OSBPL10: variants seen among roughly 807,000 people sequenced by gnomAD.
OSBPL10 encodes oxysterol-binding protein-related protein 10.
OSBPL10 carries 49 observed loss-of-function variants against 81.7 expected under a neutral mutation model. The observed-to-expected ratio is 0.60, with a 90% CI of 0.48 to 0.76. The LOEUF (loss-of-function observed/expected upper bound fraction) is 0.76, where lower values mean the gene tolerates loss of function less well. OSBPL10 is among the 30% of genes least tolerant of loss of function. OSBPL10 has a pLI of 0.00. For synonymous variants in OSBPL10, 419 were observed against 383.6 expected (o/e 1.09, Z -1.08); for missense variants, 923 against 987.8 (o/e 0.93, Z 0.88).
At chr3:31,666,009 G>A (rs1444223480) in intron 10 of OSBPL10, among the ~76,000 whole-genome samples, 1 of 152,196 alleles carries the variant, frequency 6.6e-6, no homozygotes, top group Non-Finnish European at 1.5e-5. Context: ...AGAGCAGGGA[G>A]GAGAATGGAG....
At chr3:31,779,918 C>T (rs1362657096) in intron 4 of OSBPL10, among the ~76,000 whole-genome samples, 8 of 152,182 alleles carry the variant, frequency 5.3e-5, no homozygotes, top group African/African-American at 1.7e-4. Flanking sequence ...TATACAAATA[C>T]ATAGAAATTA....
At chr3:32,011,497 A>G (rs1321337041) in intron 2 of OSBPL10, among the ~76,000 whole-genome samples, 2 of 152,248 alleles carry the variant, frequency 1.3e-5, no homozygotes, top group Non-Finnish European at 2.9e-5. Flanking sequence ...GGGAAAAAAC[A>G]GAGCAGAGAA....
intron 4 of OSBPL10, among the ~76,000 whole-genome samples, chr3:31,759,672 G>C (rs560767707): frequency 1.3e-5 from 2 of 152,208 alleles, no homozygotes; most frequent in East Asian, 3.9e-4. Context: ...TGACTGGAAG[G>C]CTTACCGATA....
Position 31,879,823 on chromosome 3 carries a change from C to T in OSBPL10, c.289G>A (p.Val97Ile), listed in dbSNP as rs531103701. 2.7e-5 allele frequency: 44 copies of T among 1,613,578 alleles called. No individual in the cohort carries two copies. The highest frequency in any genetic ancestry group is 3.3e-5 in the South Asian group (3 of 90,958). ...AGGATGCCAGCCTCGAAATCCAGTA[C>T]GAAGTACCTGCACAGAGAAACCACA... ...LLQGWQNRYFVLDFEAGILQY... is the reference protein window; with the variant it reads ...LLQGWQNRYFILDFEAGILQY... Residue 97 changes from valine (V) to isoleucine (I), a missense_variant, in exon 2 of 12, where the codon GTA (valine) becomes ATA (isoleucine). Val to Ile is a conservative substitution (Grantham distance 29). This residue lies in a region of OSBPL10 where 514 missense variants were observed against 508.0 expected (regional missense o/e 1.01). Transcript: ENST00000396556.
intron 6 of OSBPL10, 167 bp downstream of exon 6, chr3:31,733,090 A>C (rs377754155): frequency 5.0e-5 from 41 of 827,756 alleles, no homozygotes; most frequent in East Asian, 1.7e-4. Context: ...GAACATGAGA[A>C]GTGCCGGGCA....
At chr3:31,944,270 T>A (rs1259854014) in intron 1 of OSBPL10, among the ~76,000 whole-genome samples, 2 of 152,124 alleles carry the variant, frequency 1.3e-5, no homozygotes, top group East Asian at 3.8e-4. Flanking sequence ...GTCATACCAA[T>A]CTATATTTCT....
chr3:32,019,706 T>G (rs1047968327), intron 2 of OSBPL10, among the ~76,000 whole-genome samples: 1 of 152,226 alleles, frequency 6.6e-6, no homozygotes, highest in African/African-American at 2.4e-5. Context: ...CAATTTTTAA[T>G]GATGCAATTA....
chr3:31,958,310 C>T (rs756274698), intron 1 of OSBPL10, among the ~76,000 whole-genome samples: 1 of 152,098 alleles, frequency 6.6e-6, no homozygotes, highest in Non-Finnish European at 1.5e-5. Flanking sequence ...GTTAAAAATG[C>T]ACAAAATGAC....
chr3:31,876,477 G>A lies in OSBPL10; in HGVS notation c.493C>T (p.Gln165Ter). 6.2e-7 allele frequency: 1 copy of A among 1,613,630 alleles called. No homozygotes were observed. The highest frequency in any genetic ancestry group is 8.5e-7 in the Non-Finnish European group (1 of 1,179,556). Reference protein sequence around the residue: ...DAKEKQFWVTQLRACAKYHME... With the variant: ...DAKEKQFWVT ...TGGTATTTGGCACAAGCTCGAAGCT[G>A]AGTCACCCAGAATTGTTTCTCTTTT... is the stretch of plus-strand genomic sequence containing the variant. The change falls in exon 3 of 12, where the codon CAG (glutamine) becomes TAG (stop). Residue 165 changes from glutamine to a stop codon, truncating the protein, a stop_gained. Coordinates refer to ENST00000396556, the MANE Select transcript of OSBPL10 (RefSeq NM_017784.5). LOFTEE classifies it high-confidence loss of function.
At chr3:31,860,143 T>C (rs1249681330) in intron 3 of OSBPL10, among the ~76,000 whole-genome samples, 2 of 152,022 alleles carry the variant, frequency 1.3e-5, no homozygotes, top group Non-Finnish European at 2.9e-5. Flanking sequence ...TCTTTCCCTG[T>C]GCCCTAAAAG....
At chr3:31,837,321 TTATATATATATATATA>T (rs59797512) in intron 3 of OSBPL10, among the ~76,000 whole-genome samples, 336 of 58,980 alleles carry the variant, frequency 5.7e-3, no homozygotes, top group African/African-American at 0.01. Flanking sequence ...GATCCCCAAA[TTATATATATATATATA>T]TATATATATA....
Position 31,743,910 on chromosome 3 carries a change from G to A in OSBPL10, c.940+4000C>T, listed in dbSNP as rs17028178. 8.8e-3 allele frequency among the ~76,000 whole-genome samples: 1,335 copies of A among 152,234 alleles called. 27 individuals are homozygous for A. Among genetic ancestry groups the A allele is most frequent in the African/African-American group, 0.03 (1,260 of 41,528 alleles). ...CTGCTATAGCAACTATCAACCCTGAGAGCCCCAAGTGTCTAAACAAACACA... is the reference window on the plus strand; with the variant it reads ...CTGCTATAGCAACTATCAACCCTGAAAGCCCCAAGTGTCTAAACAAACACA... On this transcript the variant is annotated intron_variant, in intron 5 of 11. Coordinates refer to ENST00000396556, the MANE Select transcript of OSBPL10 (RefSeq NM_017784.5).
chr3:31,786,467 C>T (rs1166532165), intron 4 of OSBPL10, among the ~76,000 whole-genome samples: 1 of 152,080 alleles, frequency 6.6e-6, no homozygotes, highest in African/African-American at 2.4e-5. Flanking sequence ...CTGGGAAGTC[C>T]AAGATCAAGG....
rs1258272536 is a variant in OSBPL10 at position 31,872,180 on chromosome 3, G to T, written c.537+4253C>A. On this transcript the variant is annotated intron_variant, in intron 3 of 11. Coordinates refer to ENST00000396556, the MANE Select transcript of OSBPL10 (RefSeq NM_017784.5). ...ACCTATGTGACATGGAGAAAAGGGA[G>T]ATTTTGTCTGTTTGTCAGTTTCTGT... Among the ~76,000 whole-genome samples, 3 of 152,158 alleles carry T rather than the reference G, an allele frequency of 2.0e-5. No individual in the cohort carries two copies. In the East Asian group the frequency reaches 5.8e-4, roughly 29 times the overall value.
chr3:31,906,986 G>A (rs180703634), intron 1 of OSBPL10: 1 of 152,256 alleles, frequency 6.6e-6, no homozygotes. Flanking sequence ...CAGCCTTCGG[G>A]AGCAGTGAAA....
chr3:31,908,917 G>A (rs1696496510), intron 1 of OSBPL10, among the ~76,000 whole-genome samples: 1 of 152,196 alleles, frequency 6.6e-6, no homozygotes, highest in Admixed American at 6.5e-5. Context: ...GTAACCAATT[G>A]GAAACCTTGA....
intron 1 of OSBPL10, among the ~76,000 whole-genome samples, chr3:31,883,114 A>G (rs943622885): frequency 3.9e-5 from 6 of 152,170 alleles, no homozygotes; most frequent in African/African-American, 1.2e-4. Flanking sequence ...TAGAACATGA[A>G]CAATCATCCT....
intron 3 of OSBPL10, among the ~76,000 whole-genome samples, chr3:31,836,887 T>C (rs1700368333): frequency 6.6e-6 from 1 of 152,184 alleles, no homozygotes; most frequent in Admixed American, 6.5e-5. Flanking sequence ...CAAAGCTCAA[T>C]TCACTGCATT....
chr3:31,769,472 A>C (rs1350065368), intron 4 of OSBPL10, among the ~76,000 whole-genome samples: 2 of 141,424 alleles, frequency 1.4e-5, no homozygotes, highest in Admixed American at 7.0e-5. Flanking sequence ...AAAAAAAACA[A>C]AAAAAAACAG....
Sources: allele counts gnomAD v4.1 joint callset (sites outside exome capture counted in the v4.1 genomes callset), GRCh38; gene constraint gnomAD v4.1.1; regional missense constraint gnomAD v4.1.1; transcripts MANE v1.5; gene names NCBI Gene and HGNC (gene_info 2026-07-23, HGNC 2026-07-21).